The following SIDT1 variants were observed in gnomAD, a reference collection of about 807,000 sequenced individuals.
The protein encoded by SIDT1 is SID1 transmembrane family member 1.
A neutral mutation model predicts 107.5 loss-of-function variants in SIDT1; 101 were observed. That is an observed-to-expected ratio of 0.94 (90% CI 0.80 to 1.11). SIDT1 has a LOEUF of 1.11. Among genes scored for constraint, SIDT1 ranks in the 50% least tolerant of loss-of-function variants. SIDT1 has a pLI of 0.00. For missense variants in SIDT1, 1,076 were observed against 1,058.2 expected (o/e 1.02, Z -0.23); for synonymous variants, 395 against 398.2 (o/e 0.99, Z 0.10).
rs374406370 is a variant in SIDT1 at position 113,536,748 on chromosome 3, A to C, written c.222+3505A>C. ...GTAATGTAAATATGAAGTTGCCTTCAAAAAAATCACTGAGAGAATGGAATG... is the reference window on the plus strand; with the variant it reads ...GTAATGTAAATATGAAGTTGCCTTCCAAAAAATCACTGAGAGAATGGAATG... On this transcript the variant is annotated intron_variant, in intron 1 of 24. Coordinates refer to ENST00000264852, the MANE Select transcript of SIDT1 (RefSeq NM_017699.3). Among the ~76,000 whole-genome samples, 468 of 152,364 alleles carry C rather than the reference A, an allele frequency of 3.1e-3. 6 individuals carry two copies. The highest frequency in any genetic ancestry group is 0.017 in the South Asian group (80 of 4,832).
At chr3:113,577,756 T>C (rs1330816243) in intron 4 of SIDT1, among the ~76,000 whole-genome samples, 2 of 152,112 alleles carry the variant, frequency 1.3e-5, no homozygotes, top group Non-Finnish European at 2.9e-5. Flanking sequence ...ACTTAGGTTT[T>C]GCTTTGGAGT....
At chr3:113,543,719 T>C (rs1939223066) in intron 1 of SIDT1, among the ~76,000 whole-genome samples, 2 of 152,228 alleles carry the variant, frequency 1.3e-5, no homozygotes, top group Admixed American at 1.3e-4. Context: ...TTTCTGTAAC[T>C]TTAAATTTTG....
chr3:113,600,393 A>G (rs77966051), intron 10 of SIDT1, among the ~76,000 whole-genome samples: 8,734 of 151,984 alleles, frequency 0.057, 363 homozygotes, highest in South Asian at 0.16. Context: ...CCACTCTCAG[A>G]GTGACCAGGC....
chr3:113,592,223 G>A (rs1385927838), intron 9 of SIDT1, among the ~76,000 whole-genome samples: 4 of 152,120 alleles, frequency 2.6e-5, no homozygotes, highest in Non-Finnish European at 4.4e-5. Context: ...AGTGGTGGGA[G>A]CTGTACAACT....
chr3:113,536,950 T>C (rs979637898), intron 1 of SIDT1, among the ~76,000 whole-genome samples: 6 of 152,226 alleles, frequency 3.9e-5, no homozygotes, highest in African/African-American at 1.4e-4. Flanking sequence ...AGAAGGAAAC[T>C]AACTTGTTGG....
chr3:113,632,688 C>T (rs1577015570), downstream of SIDT1: 1 of 152,190 alleles, frequency 6.6e-6, no homozygotes, highest in Non-Finnish European at 1.5e-5. Flanking sequence ...ACAAAATGCA[C>T]GTCAGTGAAC....
Position 113,567,698 on chromosome 3 carries a change from A to G in SIDT1, c.503A>G (p.His168Arg), listed in dbSNP as rs1942049671. 1 of 1,613,616 alleles carries G rather than the reference A, an allele frequency of 6.2e-7. No individual in the cohort carries two copies. Among genetic ancestry groups the G allele is most frequent in the South Asian group, 1.1e-5 (1 of 90,974 alleles). The change falls in exon 3 of 25, where the codon CAC becomes CGC. Residue 168 changes from histidine (H) to arginine (R), a missense_variant. Physicochemically the swap from His to Arg is conservative, Grantham distance 29 (BLOSUM62 0). Coordinates refer to ENST00000264852, the MANE Select transcript of SIDT1 (RefSeq NM_017699.3). ...AAACTGCTAGTTACCAAGCTGAAGC[A>G]CTTCCAGCTCCGGTAAGCGGGACTT... ...QYKLLVTKLK[H>R]FQLRTNVAFH...
chr3:113,572,484 T>A (rs2107436252), intron 3 of SIDT1, among the ~76,000 whole-genome samples: 1 of 152,300 alleles, frequency 6.6e-6, no homozygotes, highest in East Asian at 1.9e-4. Flanking sequence ...TCTTTCAGAT[T>A]ATGGGAGCCA....
intron 11 of SIDT1, 42 bp downstream of exon 11, chr3:113,601,701 C>A: frequency 6.9e-7 from 1 of 1,440,882 alleles, no homozygotes; most frequent in Non-Finnish European, 9.7e-7. Context: ...TTTCCTAATT[C>A]TGCAGAGAAT....
chr3:113,629,893 T>C (rs1202196292), downstream of SIDT1, among the ~76,000 whole-genome samples: 2 of 152,254 alleles, frequency 1.3e-5, no homozygotes, highest in East Asian at 3.8e-4. Context: ...CAGACCAAGC[T>C]TGTTTTTACA....
intron 18 of SIDT1, among the ~76,000 whole-genome samples, chr3:113,611,600 C>T (rs529697345): frequency 1.4e-4 from 21 of 152,288 alleles, no homozygotes; most frequent in African/African-American, 4.8e-4. Context: ...GGATTACAGG[C>T]GTGAGCCACC....
intron 23 of SIDT1, among the ~76,000 whole-genome samples, chr3:113,624,483 T>G (rs980589661): frequency 1.1e-4 from 16 of 152,238 alleles, no homozygotes; most frequent in African/African-American, 3.9e-4. Flanking sequence ...TATATCACAT[T>G]TTATCTACCT....
In SIDT1 at chr3:113,614,160, A is replaced by G. The variant is rs554040037; in HGVS notation, c.1967-1940A>G. Among the ~76,000 whole-genome samples the G allele has an allele frequency of 5.3e-5, 8 of 152,350 alleles. No homozygotes were observed. In the East Asian group the frequency reaches 1.5e-3, roughly 29 times the overall value. On this transcript the variant is annotated intron_variant, in intron 19 of 24. Transcript: ENST00000264852. ...GTGACCTTTCATGGACGTTCTGACC[A>G]GCCTGCGGTAACCTCACAGGGAGGA... is the stretch of plus-strand genomic sequence containing the variant.
intron 1 of SIDT1, among the ~76,000 whole-genome samples, chr3:113,558,878 A>T (rs546984070): frequency 6.6e-6 from 1 of 152,226 alleles, no homozygotes; most frequent in Non-Finnish European, 1.5e-5. Flanking sequence ...TTTACTGAAG[A>T]TGTACAAATA....
chr3:113,562,011 T>C (rs1941476937), intron 1 of SIDT1, among the ~76,000 whole-genome samples: 1 of 152,178 alleles, frequency 6.6e-6, no homozygotes, highest in South Asian at 2.1e-4. Flanking sequence ...GGTGAGTGTC[T>C]GTATTACAGC....
Position 113,623,512 on chromosome 3 carries a change from G to A in SIDT1, c.2176G>A (p.Ala726Thr). The change falls in exon 22 of 25, where the codon GCC becomes ACC. Residue 726 changes from alanine to threonine, a missense_variant. Ala to Thr is a moderately conservative substitution (Grantham distance 58, BLOSUM62 0). Coordinates refer to ENST00000264852, the MANE Select transcript of SIDT1 (RefSeq NM_017699.3). ...IFICNLLLYL[A>T]FYIIMKLRSS... ...CATCTGTAACCTTTTGCTGTACCTGGCCTTTTACATCATCATGAAGGTAAG... is the reference window on the plus strand; with the variant it reads ...CATCTGTAACCTTTTGCTGTACCTGACCTTTTACATCATCATGAAGGTAAG... 1 of 1,613,680 alleles carries A rather than the reference G, an allele frequency of 6.2e-7. No homozygotes were observed. Among genetic ancestry groups the A allele is most frequent in the East Asian group, 2.2e-5 (1 of 44,874 alleles).
At chr3:113,548,422 G>T (rs1403294383) in intron 1 of SIDT1, among the ~76,000 whole-genome samples, 1 of 151,922 alleles carries the variant, frequency 6.6e-6, no homozygotes, top group Non-Finnish European at 1.5e-5. Flanking sequence ...GGCAACCACT[G>T]GTTTTGTTTT....
intron 6 of SIDT1, 45 bp downstream of exon 6, chr3:113,581,489 A>T: frequency 6.9e-7 from 1 of 1,457,370 alleles, no homozygotes; most frequent in South Asian, 1.1e-5. Flanking sequence ...GGTAATGCTC[A>T]ATAGATAGTG....
chr3:113,621,075 C>T (rs1202863466), intron 21 of SIDT1, among the ~76,000 whole-genome samples: 2 of 152,096 alleles, frequency 1.3e-5, no homozygotes, highest in African/African-American at 2.4e-5. Context: ...AATGATTTCC[C>T]ATGAATGATA....
Sources: gnomAD v4.1 joint callset for allele counts (sites outside exome capture counted in the v4.1 genomes callset) on GRCh38, gnomAD v4.1.1 for gene constraint, MANE v1.5 for transcripts, NCBI Gene and HGNC (gene_info 2026-07-23, HGNC 2026-07-21) for gene names.